Variants in C7 observed in about 807,000 individuals in gnomAD.
C7 encodes complement C7.
Under a neutral mutation model 104.8 loss-of-function variants are expected in C7, and 83 were observed. The ratio of observed to expected loss-of-function variants is 0.79; its 90% CI spans 0.66 to 0.95. The LOEUF (loss-of-function observed/expected upper bound fraction) is 0.95. Ranked by LOEUF, C7 falls within the 40% of genes least tolerant of loss-of-function variation. The pLI is 0.00. For missense variants in C7, 1,070 were observed against 1,011.2 expected (o/e 1.06, Z -0.79); for synonymous variants, 415 against 360.6 (o/e 1.15, Z -1.71).
chr5:40,978,873 A>ATTTTTTT (rs372551834), intron 16 of C7, among the ~76,000 whole-genome samples: 4,790 of 79,634 alleles, frequency 0.06, 465 homozygotes, highest in Non-Finnish European at 0.094. Context: ...TTTTATGGAA[A>ATTTTTTT]TTTTTTTTTT....
At chr5:40,916,773 T>C (rs1403026858) in intron 1 of C7, among the ~76,000 whole-genome samples, 2 of 152,154 alleles carry the variant, frequency 1.3e-5, no homozygotes, top group Admixed American at 6.5e-5. Context: ...ATAAAAATTG[T>C]GTCTATTTAT....
intron 6 of C7, among the ~76,000 whole-genome samples, chr5:40,942,703 A>T (rs1353987692): frequency 2.0e-5 from 3 of 151,974 alleles, no homozygotes; most frequent in Non-Finnish European, 4.4e-5. Flanking sequence ...ATTCTACTGA[A>T]GTTGAAAAGC....
chr5:40,952,802 A>G (rs1032827701), intron 9 of C7, among the ~76,000 whole-genome samples: 5 of 152,164 alleles, frequency 3.3e-5, no homozygotes, highest in Non-Finnish European at 1.5e-5. Context: ...TACACCATGA[A>G]ATACTATGCA....
rs1189636542 is a variant in C7, at chr5:40,984,368, C to T, written c.*2795C>T. ...GAACTTTGGATTACCTAGCAACTAG[C>T]CAGGTAACTGGCTAATCTGATTGAG... On this transcript the variant is annotated 3_prime_UTR_variant, in exon 18 of 18. Coordinates refer to ENST00000313164, the MANE Select transcript of C7 (RefSeq NM_000587.4). Among the ~76,000 whole-genome samples the T allele has an allele frequency of 6.6e-6, 1 of 152,134 alleles. No individual in the cohort carries two copies. The highest frequency in any genetic ancestry group is 2.4e-5 in the African/African-American group (1 of 41,438).
At chr5:40,919,848 A>G (rs1229043487) in intron 1 of C7, among the ~76,000 whole-genome samples, 1 of 152,088 alleles carries the variant, frequency 6.6e-6, no homozygotes, top group Non-Finnish European at 1.5e-5. Context: ...AACAGTTCAA[A>G]GAGGAACGTT....
intron 14 of C7, among the ~76,000 whole-genome samples, chr5:40,966,304 G>A (rs1740549873): frequency 6.6e-6 from 1 of 151,518 alleles, no homozygotes; most frequent in Non-Finnish European, 1.5e-5. Context: ...CATTGCATCA[G>A]TCTTATGCCT....
chr5:40,941,878 A>C (rs114992841), intron 6 of C7, among the ~76,000 whole-genome samples: 1 of 152,230 alleles, frequency 6.6e-6, no homozygotes, highest in African/African-American at 2.4e-5. Flanking sequence ...TATTGGTATA[A>C]GAATGGTAAT....
intron 9 of C7, among the ~76,000 whole-genome samples, chr5:40,952,698 A>G (rs930833343): frequency 6.6e-6 from 1 of 151,658 alleles, no homozygotes; most frequent in Non-Finnish European, 1.5e-5. Flanking sequence ...CCTGTGTCCA[A>G]GTGTTCTCAT....
At chr5:40,951,893 A>G (rs1740178868) in intron 9 of C7, among the ~76,000 whole-genome samples, 1 of 152,212 alleles carries the variant, frequency 6.6e-6, no homozygotes, top group African/African-American at 2.4e-5. Flanking sequence ...TTCATCAACT[A>G]TTTATGGAGT....
intron 16 of C7, among the ~76,000 whole-genome samples, chr5:40,977,430 A>C (rs113584765): frequency 3.3e-5 from 5 of 152,334 alleles, no homozygotes; most frequent in African/African-American, 1.2e-4. Context: ...AGAGGAAAGG[A>C]AACTACAAGT....
rs574398432 is a variant in C7, at chr5:40,960,503, A to T, written c.1661+883A>T. 2.0e-5 allele frequency among the ~76,000 whole-genome samples: 3 copies of T among 152,242 alleles called. No homozygotes were observed. In the South Asian group the frequency reaches 6.2e-4, roughly 32 times the overall value. Reference sequence around the variant, plus strand: ...GCATGTGAACTATGGTGGGAAGAGGATGCTGGCTGCTGTGCACATGTTTCT... The same window carrying T: ...GCATGTGAACTATGGTGGGAAGAGGTTGCTGGCTGCTGTGCACATGTTTCT... On this transcript the variant is annotated intron_variant, in intron 12 of 17. Transcript: ENST00000313164.
intron 1 of C7, among the ~76,000 whole-genome samples, chr5:40,910,668 G>A (rs1205432900): frequency 6.6e-6 from 1 of 151,588 alleles, no homozygotes; most frequent in Admixed American, 6.6e-5. Context: ...CGCAGGAACA[G>A]ACAATCAAAT....
chr5:40,918,773 A>T (rs1421414145), intron 1 of C7, among the ~76,000 whole-genome samples: 1 of 152,152 alleles, frequency 6.6e-6, no homozygotes, highest in Non-Finnish European at 1.5e-5. Context: ...TATGCACCCA[A>T]CTTCAGAGAA....
At chr5:40,951,918 A>G (rs553801286) in intron 9 of C7, among the ~76,000 whole-genome samples, 11 of 152,346 alleles carry the variant, frequency 7.2e-5, no homozygotes, top group Admixed American at 6.5e-4. Context: ...GGTATGTGCC[A>G]GGAATCGTTT....
At chr5:40,958,627 A>C (rs527985136) in intron 11 of C7, among the ~76,000 whole-genome samples, 2 of 152,272 alleles carry the variant, frequency 1.3e-5, no homozygotes, top group East Asian at 3.9e-4. Flanking sequence ...TGCTCTTTGA[A>C]ACATTTCTAT....
chr5:40,928,834 C>A (rs1408622337), intron 2 of C7, among the ~76,000 whole-genome samples, 199 bp downstream of exon 2: 1 of 151,948 alleles, frequency 6.6e-6, no homozygotes, highest in Non-Finnish European at 1.5e-5. Context: ...AAGAATAATT[C>A]TCTTGTAAAA....
chr5:40,979,681 C>T (rs374575085), intron 16 of C7, 44 bp from the exon 17 acceptor site: 520 of 1,534,890 alleles, frequency 3.4e-4, no homozygotes, highest in Non-Finnish European at 4.3e-4. Flanking sequence ...TCAGCTTTTA[C>T]GAACAAAAAT....
intron 17 of C7, 24 bp downstream of exon 17, chr5:40,979,933 A>G: frequency 6.5e-7 from 1 of 1,543,306 alleles, no homozygotes; most frequent in Non-Finnish European, 8.8e-7. Context: ...CATATTTGTA[A>G]GTATAAGAAT....
At chr5:40,927,678 T>C (rs902922524) in intron 1 of C7, among the ~76,000 whole-genome samples, 1 of 152,062 alleles carries the variant, frequency 6.6e-6, no homozygotes, top group Middle Eastern at 3.4e-3. Context: ...GGCCAATAGA[T>C]ACGTAAAAAA....
Sources: gnomAD v4.1 joint callset for allele counts (sites outside exome capture counted in the v4.1 genomes callset) on GRCh38, gnomAD v4.1.1 for gene constraint, MANE v1.5 for transcripts, NCBI Gene and HGNC (gene_info 2026-07-23, HGNC 2026-07-21) for gene names.